Variants in BLTP1 observed in about 807,000 individuals in gnomAD.
The protein encoded by BLTP1 is fragile site-associated protein.
chr4:122,280,059 T>G, the BLTP1 span: 1 of 1,597,546 alleles, frequency 6.3e-7, no homozygotes. Context: ...AACAAAAGTT[T>G]GGAGGGAGAT....
chr4:122,244,380 CTGTAT>C, the BLTP1 span, among the ~76,000 whole-genome samples: 1 of 152,162 alleles, frequency 6.6e-6, no homozygotes, highest in African/African-American at 2.4e-5. Context: ...AGTCAACCTT[CTGTAT>C]TGGTGGGTTC....
chr4:122,158,845 G>A, the BLTP1 span, among the ~76,000 whole-genome samples: 1 of 152,192 alleles, frequency 6.6e-6, no homozygotes, highest in Non-Finnish European at 1.5e-5. Flanking sequence ...TGGCTATGGA[G>A]GTGAGGTTTG....
At chr4:122,190,160 A>ATGATTACGCCACTGC in the BLTP1 span, 3 of 1,563,258 alleles carry the variant, frequency 1.9e-6, no homozygotes, top group South Asian at 1.1e-5. Flanking sequence ...GCAGTGGCGT[A>ATGATTACGCCACTGC]ATCATAGTCC....
At chr4:122,222,163 CT>C in the BLTP1 span, among the ~76,000 whole-genome samples, 1 of 152,142 alleles carries the variant, frequency 6.6e-6, no homozygotes, top group Non-Finnish European at 1.5e-5. Flanking sequence ...TTGGAATTTG[CT>C]TGTCTACTTA....
chr4:122,190,885 A>T, the BLTP1 span, among the ~76,000 whole-genome samples: 1 of 152,136 alleles, frequency 6.6e-6, no homozygotes, highest in Non-Finnish European at 1.5e-5. Context: ...TTTAAGGTCA[A>T]AGTATTTTGA....
chr4:122,318,094 A>G, the BLTP1 span: 1 of 1,541,352 alleles, frequency 6.5e-7, no homozygotes, highest in Admixed American at 2.2e-5. Context: ...GTAAAAAATC[A>G]GTCTTACTTT....
chr4:122,313,676 A>G, the BLTP1 span: 1 of 1,573,468 alleles, frequency 6.4e-7, no homozygotes, highest in Non-Finnish European at 8.7e-7. Context: ...ACTACAGGAC[A>G]AGCAGCAGCT....
At chr4:122,297,880 G>A in the BLTP1 span, 6 of 152,122 alleles carry the variant, frequency 3.9e-5, no homozygotes, top group African/African-American at 1.2e-4. Context: ...ACACAGGGAG[G>A]GGAACAACAC....
the BLTP1 span, among the ~76,000 whole-genome samples, chr4:122,259,313 C>T: frequency 6.6e-6 from 1 of 152,094 alleles, no homozygotes; most frequent in Non-Finnish European, 1.5e-5. Context: ...AAACCTGCCC[C>T]GCCACTTAGT....
At chr4:122,298,376 C>G in the BLTP1 span, 1 of 259,054 alleles carries the variant, frequency 3.9e-6, no homozygotes, top group African/African-American at 2.3e-5. Context: ...TAGAAAGTGT[C>G]AAGATATACA....
chr4:122,281,812 T>G, the BLTP1 span: 1 of 1,446,190 alleles, frequency 6.9e-7, no homozygotes, highest in South Asian at 1.6e-5. Context: ...TTAAAATTTA[T>G]GATTTGTTTG....
At chr4:122,193,234 G>T in the BLTP1 span, among the ~76,000 whole-genome samples, 1 of 152,084 alleles carries the variant, frequency 6.6e-6, no homozygotes, top group Admixed American at 6.5e-5. Context: ...TGAATTTTAG[G>T]GGTTAGGACT....
chr4:122,295,666 C>G, the BLTP1 span, among the ~76,000 whole-genome samples: 201 of 152,224 alleles, frequency 1.3e-3, 3 homozygotes, highest in African/African-American at 4.6e-3. Flanking sequence ...GCCAATATCC[C>G]TGTTCAACAT....
the BLTP1 span, among the ~76,000 whole-genome samples, chr4:122,293,987 T>G: frequency 6.6e-6 from 1 of 152,146 alleles, no homozygotes; most frequent in Non-Finnish European, 1.5e-5. Flanking sequence ...GACTCCACTA[T>G]GCCAGATTGT....
At chr4:122,252,824 G>A in the BLTP1 span, among the ~76,000 whole-genome samples, 1 of 152,116 alleles carries the variant, frequency 6.6e-6, no homozygotes, top group East Asian at 1.9e-4. Context: ...AAGCCAGGTA[G>A]TGGTTACAGG....
the BLTP1 span, chr4:122,207,633 T>C: frequency 6.3e-7 from 1 of 1,595,434 alleles, no homozygotes; most frequent in Non-Finnish European, 8.6e-7. Context: ...CAAGTTCTCT[T>C]TAAGAGTATG....
At chr4:122,158,943 G>A in the BLTP1 span, among the ~76,000 whole-genome samples, 1 of 152,220 alleles carries the variant, frequency 6.6e-6, no homozygotes, top group South Asian at 2.1e-4. Context: ...CATTTTTGTA[G>A]CATAGATTAT....
At chr4:122,324,334 A>G in the BLTP1 span, 14 of 1,300,354 alleles carry the variant, frequency 1.1e-5, no homozygotes, top group Middle Eastern at 5.9e-4. Flanking sequence ...GGGGAAAACA[A>G]CTTATTTAAT....
chr4:122,249,515 C>T, the BLTP1 span: 1 of 1,613,510 alleles, frequency 6.2e-7, no homozygotes. Flanking sequence ...ACTGCTATTC[C>T]TTTTGAGAAG....
Sources: gnomAD v4.1 joint callset for allele counts (sites outside exome capture counted in the v4.1 genomes callset) on GRCh38, gnomAD v4.1.1 for gene constraint, MANE v1.5 for transcripts, NCBI Gene and HGNC (gene_info 2026-07-23, HGNC 2026-07-21) for gene names.